The following CLEC2B variants were observed in gnomAD, a reference collection of about 807,000 sequenced individuals.
CLEC2B encodes the protein C-type (calcium dependent, carbohydrate-recognition domain) lectin, superfamily member 2 (activation-induced).
In CLEC2B, 14 loss-of-function variants were observed where a neutral mutation model predicts 16.2. The ratio of observed to expected loss-of-function variants is 0.86; its 90% CI spans 0.57 to 1.35. The LOEUF (loss-of-function observed/expected upper bound fraction) is 1.35. Among genes scored for constraint, CLEC2B ranks in the 40% most tolerant of loss-of-function variants. CLEC2B has a pLI of 0.00. For synonymous variants in CLEC2B, 42 were observed against 55.8 expected, an observed-to-expected ratio of 0.75 and a Z score of 1.10; for missense variants, 166 against 182.3, an observed-to-expected ratio of 0.91 and a Z score of 0.52.
At chr12:9,861,687 A>G (rs1430595185) in intron 2 of CLEC2B, among the ~76,000 whole-genome samples, 1 of 151,732 alleles carries the variant, frequency 6.6e-6, no homozygotes, top group Non-Finnish European at 1.5e-5. Flanking sequence ...AATGCACTAT[A>G]CTAAACATCC....
chr12:9,864,163 G>A (rs1245808289), intron 1 of CLEC2B, among the ~76,000 whole-genome samples: 9 of 141,864 alleles, frequency 6.3e-5, no homozygotes, highest in South Asian at 4.5e-4. Context: ...TTTAAGTGCT[G>A]AAAAAAAAAA....
intron 2 of CLEC2B, among the ~76,000 whole-genome samples, chr12:9,857,850 T>A (rs1266300783): frequency 6.6e-6 from 1 of 152,134 alleles, no homozygotes; most frequent in Non-Finnish European, 1.5e-5. Flanking sequence ...TCTTTCAACT[T>A]CAACTTCAGT....
Position 9,852,522 on chromosome 12 carries a change from G to T in CLEC2B, c.*778C>A, listed in dbSNP as rs1461986659. Among the ~76,000 whole-genome samples the T allele has an allele frequency of 6.6e-6, 1 of 152,154 alleles. No individual in the cohort carries two copies. The highest frequency in any genetic ancestry group is 2.4e-5 in the African/African-American group (1 of 41,426). On this transcript the variant is annotated 3_prime_UTR_variant, in exon 5 of 5. Transcript: ENST00000228438. ...ATAAAACTGGTTTTAGGTTACAACA[G>T]GTAGTTTTAGCAACTAGGTTTGTAG...
chr12:9,866,365 T>C (rs1347165015), intron 1 of CLEC2B, among the ~76,000 whole-genome samples: 1 of 152,178 alleles, frequency 6.6e-6, no homozygotes, highest in African/African-American at 2.4e-5. Context: ...AGAGATATCA[T>C]GATTTCAAAA....
chr12:9,858,743 C>T (rs1441383084), intron 2 of CLEC2B, among the ~76,000 whole-genome samples: 1 of 151,126 alleles, frequency 6.6e-6, no homozygotes, highest in East Asian at 1.9e-4. Flanking sequence ...TATACATATA[C>T]ACACATATGT....
chr12:9,861,905 A>G (rs905550251), intron 2 of CLEC2B, among the ~76,000 whole-genome samples: 2 of 152,122 alleles, frequency 1.3e-5, no homozygotes, highest in Non-Finnish European at 2.9e-5. Context: ...TGCATTTTCT[A>G]TGACTGTGTT....
chr12:9,857,407 G>C, intron 3 of CLEC2B, 67 bp downstream of exon 3: 1 of 1,174,860 alleles, frequency 8.5e-7, no homozygotes, highest in Non-Finnish European at 1.2e-6. Flanking sequence ...AGATTATAAT[G>C]GTGTTTGAAT....
intron 2 of CLEC2B, among the ~76,000 whole-genome samples, chr12:9,862,082 T>C (rs1288685122): frequency 6.6e-6 from 1 of 152,046 alleles, no homozygotes; most frequent in Non-Finnish European, 1.5e-5. Context: ...AAGCATAATG[T>C]TGAATAAAAG....
At chr12:9,854,542 G>T in intron 3 of CLEC2B, 58 bp from the exon 4 acceptor site, 1 of 1,104,898 alleles carries the variant, frequency 9.1e-7, no homozygotes, top group Non-Finnish European at 1.4e-6. Flanking sequence ...ACAACCTACT[G>T]TGTACCTCTT....
chr12:9,859,103 G>A (rs1867915100), intron 2 of CLEC2B, among the ~76,000 whole-genome samples: 1 of 151,496 alleles, frequency 6.6e-6, no homozygotes, highest in African/African-American at 2.4e-5. Flanking sequence ...CAAACTTATG[G>A]GATTCAACTA....
intron 1 of CLEC2B, among the ~76,000 whole-genome samples, chr12:9,866,322 C>T (rs770066133): frequency 6.6e-6 from 1 of 152,054 alleles, no homozygotes; most frequent in Non-Finnish European, 1.5e-5. Flanking sequence ...TTTTTCTCCC[C>T]ATGAATTGGC....
chr12:9,869,131 C>A (rs768438858), intron 1 of CLEC2B, 74 bp downstream of exon 1: 1 of 152,074 alleles, frequency 6.6e-6, no homozygotes, highest in Non-Finnish European at 1.5e-5. Context: ...TAATTCTTTT[C>A]TCGAAGGCTT....
Position 9,857,494 on chromosome 12 carries a change from T to C in CLEC2B, c.217A>G (p.Ile73Val), listed in dbSNP as rs1275930433. The change falls in exon 3 of 5, where the codon ATT becomes GTT. Residue 73 changes from isoleucine (I) to valine (V), a missense_variant. By Grantham distance (29) the Ile-to-Val change is conservative. Coordinates refer to ENST00000228438, the MANE Select transcript of CLEC2B (RefSeq NM_005127.3). ...CTTACCATTTCTTCTATGTTGTCAA[T>C]TATAGTTAGGTCGGCATGTTGAGTG... is the stretch of plus-strand genomic sequence containing the variant. ...CSTQHADLTI[I>V]DNIEEMNFLR... is the part of the protein sequence containing the mutation. 1 of 1,609,266 alleles carries C rather than the reference T, an allele frequency of 6.2e-7. No individual in the cohort carries two copies. The highest frequency in any genetic ancestry group is 1.1e-5 in the South Asian group (1 of 90,902).
At position 9,852,733 on chromosome 12, in the gene CLEC2B, C is replaced by T. The variant is rs916620569; in HGVS notation, c.*567G>A. Among the ~76,000 whole-genome samples, 13 of 152,104 alleles carry T rather than the reference C, an allele frequency of 8.5e-5. No individual in the cohort carries two copies. The highest frequency in any genetic ancestry group is 3.1e-4 in the African/African-American group (13 of 41,408). On this transcript the variant is annotated 3_prime_UTR_variant, in exon 5 of 5. Coordinates refer to ENST00000228438, the MANE Select transcript of CLEC2B (RefSeq NM_005127.3). ...AACACATACGGTGTGTGATCTCCTC[C>T]TCACCTTCACTCTTAAAGCCCCACC...
chr12:9,868,322 G>A (rs987366130), intron 1 of CLEC2B, among the ~76,000 whole-genome samples: 2 of 151,934 alleles, frequency 1.3e-5, no homozygotes, highest in African/African-American at 2.4e-5. Context: ...CTCATTCCCC[G>A]CAAACCTGTT....
At chr12:9,866,023 A>G (rs1257676501) in intron 1 of CLEC2B, among the ~76,000 whole-genome samples, 1 of 152,146 alleles carries the variant, frequency 6.6e-6, no homozygotes, top group Admixed American at 6.5e-5. Flanking sequence ...GGAAGTTTAT[A>G]GTAATAAATG....
intron 3 of CLEC2B, among the ~76,000 whole-genome samples, chr12:9,856,705 T>A (rs1867896112): frequency 6.6e-6 from 1 of 152,090 alleles, no homozygotes; most frequent in South Asian, 2.1e-4. Context: ...ATATTTTTAA[T>A]CAAGTTATAT....
At chr12:9,859,318 CA>C (rs1433645383) in intron 2 of CLEC2B, among the ~76,000 whole-genome samples, 2 of 151,528 alleles carry the variant, frequency 1.3e-5, no homozygotes, top group Admixed American at 1.3e-4. Context: ...AAATTAATGC[CA>C]AATAGAAGAA....
Position 9,853,096 on chromosome 12 carries a change from A to AG in CLEC2B, c.*203_*204insC. The stretch of plus-strand genomic sequence containing the variant: ...AAGAAAGAAAGAAAGAGAGAGAGAG[A>AG]AAGAAAGAAAGAAAAAAACTCAGCA... On this transcript the variant is annotated 3_prime_UTR_variant, in exon 5 of 5. Transcript: ENST00000228438. 1 of 474,270 alleles carries AG rather than the reference A, an allele frequency of 2.1e-6. No individual in the cohort carries two copies. The highest frequency in any genetic ancestry group is 3.8e-6 in the Non-Finnish European group (1 of 264,244). 29.4% of individuals were successfully genotyped at this position (474,270 alleles called of 1,614,324 possible). A position where few individuals can be genotyped will look rare whatever the true frequency, so the allele number is the denominator to read the frequency against.
Sources: allele counts gnomAD v4.1 joint callset (sites outside exome capture counted in the v4.1 genomes callset), GRCh38; gene constraint gnomAD v4.1.1; transcripts MANE v1.5; gene names NCBI Gene and HGNC (gene_info 2026-07-23, HGNC 2026-07-21).